Variants in CCSER1 observed in about 807,000 individuals in gnomAD.
The protein encoded by CCSER1 is serine-rich coiled-coil domain-containing protein 1.
A neutral mutation model predicts 82.0 loss-of-function variants in CCSER1; 41 were observed. That is an observed-to-expected ratio of 0.50 (90% confidence interval 0.39 to 0.65). The LOEUF (loss-of-function observed/expected upper bound fraction) is 0.65. Among genes scored for constraint, CCSER1 ranks in the 30% least tolerant of loss-of-function variants. The pLI, the probability that CCSER1 is intolerant of heterozygous loss-of-function variation, is 0.00. For missense variants in CCSER1, 1,119 were observed against 1,064.2 expected (o/e 1.05, Z -0.72); for synonymous variants, 414 against 383.9 (o/e 1.08, Z -0.92).
At chr4:91,327,959 A>T (rs989951934) in intron 10 of CCSER1, among the ~76,000 whole-genome samples, 2 of 152,156 alleles carry the variant, frequency 1.3e-5, no homozygotes, top group African/African-American at 4.8e-5. Flanking sequence ...TAAGTTCCTC[A>T]TCTCCATCTG....
At chr4:90,181,480 A>G (rs543465359) in intron 1 of CCSER1, among the ~76,000 whole-genome samples, 4 of 152,268 alleles carry the variant, frequency 2.6e-5, no homozygotes, top group African/African-American at 7.2e-5. Flanking sequence ...TTTACTTCCC[A>G]TTTGCAACCC....
At chr4:91,350,126 A>G (rs1748371614) in intron 10 of CCSER1, among the ~76,000 whole-genome samples, 1 of 139,734 alleles carries the variant, frequency 7.2e-6, no homozygotes, top group South Asian at 2.5e-4. Flanking sequence ...CCTTTAATAC[A>G]TAAATTAACA....
chr4:91,441,859 C>T (rs1755180090), intron 10 of CCSER1, among the ~76,000 whole-genome samples: 1 of 151,960 alleles, frequency 6.6e-6, no homozygotes, highest in African/African-American at 2.4e-5. Context: ...TATGAGTGAG[C>T]TCCCATTCAC....
At chr4:90,553,571 A>C (rs1382667101) in intron 5 of CCSER1, among the ~76,000 whole-genome samples, 1 of 152,202 alleles carries the variant, frequency 6.6e-6, no homozygotes, top group Admixed American at 6.5e-5. Flanking sequence ...GTGTCTTGCT[A>C]GTCATGCACT....
chr4:91,172,931 G>T (rs1222377233), intron 10 of CCSER1, among the ~76,000 whole-genome samples: 2 of 152,086 alleles, frequency 1.3e-5, no homozygotes, highest in African/African-American at 4.8e-5. Context: ...GGAAAAAAAA[G>T]TTGTTTTATC....
intron 5 of CCSER1, among the ~76,000 whole-genome samples, chr4:90,562,117 G>A (rs1468907623): frequency 6.7e-6 from 1 of 150,354 alleles, no homozygotes; most frequent in African/African-American, 2.5e-5. Flanking sequence ...TTGAACCTGG[G>A]AGGCAGAAGT....
chr4:90,263,067 G>A (rs1724620599), intron 1 of CCSER1, among the ~76,000 whole-genome samples: 1 of 152,126 alleles, frequency 6.6e-6, no homozygotes, highest in South Asian at 2.1e-4. Context: ...TGACTGTTGG[G>A]GTAGAGGTGC....
At chr4:90,671,331 C>T (rs1455140304) in intron 6 of CCSER1, among the ~76,000 whole-genome samples, 1 of 152,002 alleles carries the variant, frequency 6.6e-6, no homozygotes, top group Admixed American at 6.6e-5. Context: ...AAATTAGAGT[C>T]CATCCTCTCA....
chr4:91,370,426 G>A (rs939824168), intron 10 of CCSER1, among the ~76,000 whole-genome samples: 1 of 152,138 alleles, frequency 6.6e-6, no homozygotes, highest in African/African-American at 2.4e-5. Context: ...GCCGGGCATG[G>A]TGGCTCACAC....
chr4:90,772,464 A>G (rs1049006691), intron 7 of CCSER1, among the ~76,000 whole-genome samples: 29 of 152,194 alleles, frequency 1.9e-4, no homozygotes, highest in African/African-American at 6.0e-4. Flanking sequence ...AGAAAATGTC[A>G]GGTATAACTT....
intron 1 of CCSER1, among the ~76,000 whole-genome samples, chr4:90,259,896 T>C (rs1724003136): frequency 6.6e-6 from 1 of 152,210 alleles, no homozygotes. Context: ...TTTGCATCTA[T>C]GTTTATCAGT....
chr4:91,137,374 G>C (rs1214238861), intron 10 of CCSER1, among the ~76,000 whole-genome samples: 22 of 66,246 alleles, frequency 3.3e-4, no homozygotes, highest in Non-Finnish European at 6.1e-4. Flanking sequence ...GTATTCCATG[G>C]TGTATATGTG....
chr4:90,149,529 C>CT (rs1403070233), intron 1 of CCSER1, among the ~76,000 whole-genome samples: 1 of 152,056 alleles, frequency 6.6e-6, no homozygotes, highest in African/African-American at 2.4e-5. Context: ...TGAGATTTCT[C>CT]TAAGACAATC....
chr4:91,394,339 T>C (rs1751837506), intron 10 of CCSER1, among the ~76,000 whole-genome samples: 1 of 152,098 alleles, frequency 6.6e-6, no homozygotes, highest in African/African-American at 2.4e-5. Flanking sequence ...CTCAATATCA[T>C]CATTAGAATA....
At chr4:90,895,173 G>A (rs1207846161) in intron 8 of CCSER1, among the ~76,000 whole-genome samples, 1 of 151,808 alleles carries the variant, frequency 6.6e-6, no homozygotes, top group Non-Finnish European at 1.5e-5. Flanking sequence ...TATCCTGGCT[G>A]TATTCTTTCT....
chr4:90,944,198 C>T (rs1731955637), intron 9 of CCSER1, among the ~76,000 whole-genome samples: 2 of 148,064 alleles, frequency 1.4e-5, no homozygotes, highest in South Asian at 2.1e-4. Context: ...CGCCACTGCA[C>T]TCCAGCCTGG....
intron 9 of CCSER1, among the ~76,000 whole-genome samples, chr4:91,034,985 A>C (rs1741307503): frequency 6.6e-6 from 1 of 152,166 alleles, no homozygotes. Flanking sequence ...AAACACATGT[A>C]TGTGCATGCA....
At chr4:91,379,822 C>A (rs1329037530) in intron 10 of CCSER1, among the ~76,000 whole-genome samples, 1 of 152,260 alleles carries the variant, frequency 6.6e-6, no homozygotes, top group African/African-American at 2.4e-5. Flanking sequence ...CTTTCTAGTT[C>A]TTTTAATTGT....
intron 8 of CCSER1, among the ~76,000 whole-genome samples, chr4:90,821,218 AAAAACCACAGCTG>A (rs1759682318): frequency 6.6e-6 from 1 of 152,182 alleles, no homozygotes; most frequent in African/African-American, 2.4e-5. Flanking sequence ...TTATTTGATG[AAAAACCACAGCTG>A]AGAACAAAAT....
Sources: allele counts gnomAD v4.1 joint callset (sites outside exome capture counted in the v4.1 genomes callset), GRCh38; gene constraint gnomAD v4.1.1; transcripts MANE v1.5; gene names NCBI Gene and HGNC (gene_info 2026-07-23, HGNC 2026-07-21).